MIAT: variants seen among roughly 807,000 people sequenced by gnomAD.
MIAT encodes the protein MI related novel mRNA.
At chr22:26,647,495 C>G (rs923458338) in intron 2 of MIAT, among the ~76,000 whole-genome samples, 1 of 151,732 alleles carries the variant, frequency 6.6e-6, no homozygotes, top group African/African-American at 2.4e-5. Context: ...GGAGCGGGGC[C>G]CCAGTCAATC....
At chr22:26,674,156 C>T (rs550027556), downstream of MIAT, 19 of 398,610 alleles carry the variant, frequency 4.8e-5, no homozygotes, top group Non-Finnish European at 7.5e-5. Flanking sequence ...GTTATAACTC[C>T]GTCAGTCATT....
chr22:26,646,447 A>G, upstream of MIAT: 1 of 399,380 alleles, frequency 2.5e-6, no homozygotes, highest in East Asian at 3.6e-5. Context: ...GTAGACAGGA[A>G]CCACGAGAGG....
downstream of MIAT, chr22:26,672,674 C>T: frequency 2.5e-6 from 1 of 399,062 alleles, no homozygotes; most frequent in Non-Finnish European, 4.4e-6. Flanking sequence ...GGGGGCGTAT[C>T]CCACGAGGAA....
At chr22:26,673,021 T>G (rs970594836), downstream of MIAT, 2 of 398,442 alleles carry the variant, frequency 5.0e-6, no homozygotes, top group African/African-American at 4.1e-5. Context: ...CGGAAGTCCT[T>G]GGGAAAGATC....
chr22:26,665,741 C>G, exon 4 of MIAT: 2 of 398,656 alleles, frequency 5.0e-6, no homozygotes, highest in African/African-American at 2.1e-5. Flanking sequence ...AGCTCATTCT[C>G]TTTTCTACCT....
chr22:26,672,938 A>G (rs933582050), downstream of MIAT: 2 of 398,530 alleles, frequency 5.0e-6, no homozygotes, highest in Admixed American at 8.8e-5. Context: ...GAAGTCAGCT[A>G]GAGAGCCGTC....
At chr22:26,663,463 A>C (rs185891451) in intron 3 of MIAT, 141 of 398,346 alleles carry the variant, frequency 3.5e-4, no homozygotes, top group Admixed American at 2.9e-3. Flanking sequence ...CTTTGAGATC[A>C]GATCCATCAC....
exon 4 of MIAT, chr22:26,666,663 G>A: frequency 5.0e-6 from 2 of 398,646 alleles, no homozygotes; most frequent in East Asian, 7.1e-5. Context: ...AAGGGAACCT[G>A]GGAACCCTTC....
chr22:26,676,259 A>G, exon 5 of MIAT: 1 of 398,474 alleles, frequency 2.5e-6, no homozygotes, highest in East Asian at 3.6e-5. Flanking sequence ...CCAGGGACCC[A>G]TTGTTTTACT....
chr22:26,658,494 C>T (rs1009557691), intron 2 of MIAT, among the ~76,000 whole-genome samples: 1 of 152,192 alleles, frequency 6.6e-6, no homozygotes, highest in Non-Finnish European at 1.5e-5. Context: ...GATCCCGCAA[C>T]CCACCAGCTC....
At position 26,647,170 on chromosome 22, in the gene MIAT, A is replaced by G. The variant is rs1930247984; in HGVS notation, n.509-4A>G. ...TTCTCTGGGTCTCTGTTCCATCTATAAAGTGCTTTCTGAGAAGCCCTCCAG... is the reference window on the plus strand; with the variant it reads ...TTCTCTGGGTCTCTGTTCCATCTATGAAGTGCTTTCTGAGAAGCCCTCCAG... On this transcript the variant is annotated splice_polypyrimidine_tract_variant and splice_region_variant and intron_variant and non_coding_transcript_variant, in intron 1 of 5. Transcript: ENST00000643270. 7.5e-6 allele frequency: 3 copies of G among 398,514 alleles called. No homozygotes were observed. The East Asian group carries it at 1.1e-4, about 14-fold the overall frequency. 24.7% of individuals were successfully genotyped at this position (398,514 alleles called of 1,614,324 possible).
At chr22:26,652,655 CCT>C (rs1195156762) in intron 2 of MIAT, among the ~76,000 whole-genome samples, 4 of 152,064 alleles carry the variant, frequency 2.6e-5, no homozygotes, top group Non-Finnish European at 2.9e-5. Flanking sequence ...TGCGCCTGGC[CCT>C]CTCTCTCTTT....
At chr22:26,660,479 A>AAAG (rs1160291508) in intron 2 of MIAT, among the ~76,000 whole-genome samples, 16 of 139,660 alleles carry the variant, frequency 1.1e-4, no homozygotes, top group Non-Finnish European at 1.7e-4. Context: ...AAAAAAAAAA[A>AAAG]AAGAAGAAGA....
At chr22:26,675,660 T>C in exon 5 of MIAT, 2 of 398,572 alleles carry the variant, frequency 5.0e-6, no homozygotes, top group African/African-American at 4.1e-5. Context: ...AGGGGAGCAA[T>C]CTTGAAAACA....
At chr22:26,653,254 A>C (rs1930369156) in intron 2 of MIAT, among the ~76,000 whole-genome samples, 1 of 152,268 alleles carries the variant, frequency 6.6e-6, no homozygotes, top group Admixed American at 6.5e-5. Context: ...AACTGGGAGC[A>C]GAGGAGGCCA....
downstream of MIAT, chr22:26,674,554 G>T (rs1602377339): frequency 2.5e-6 from 1 of 398,716 alleles, no homozygotes; most frequent in Non-Finnish European, 4.4e-6. Context: ...CTTTTCTCTG[G>T]CAACTGTGGA....
At chr22:26,675,402 C>T (rs1035450128) in exon 5 of MIAT, 1 of 398,540 alleles carries the variant, frequency 2.5e-6, no homozygotes, top group African/African-American at 2.1e-5. Flanking sequence ...CGGATATGAT[C>T]TGAGAAAGGG....
At chr22:26,657,587 C>A in intron 2 of MIAT, 1 of 398,730 alleles carries the variant, frequency 2.5e-6, no homozygotes, top group Non-Finnish European at 4.4e-6. Flanking sequence ...GGGGCTCCCC[C>A]AGTTCTGCGC....
chr22:26,666,556 T>TCC (rs1930849429), exon 4 of MIAT: 2 of 398,652 alleles, frequency 5.0e-6, no homozygotes, highest in South Asian at 1.3e-4. Flanking sequence ...TTCCTGACTC[T>TCC]CCGTTCAGCT....
Sources: gnomAD v4.1 joint callset for allele counts (sites outside exome capture counted in the v4.1 genomes callset) on GRCh38, gnomAD v4.1.1 for gene constraint, MANE v1.5 for transcripts, NCBI Gene and HGNC (gene_info 2026-07-23, HGNC 2026-07-21) for gene names.